The following KCNK10 variants were observed in gnomAD, a reference collection of about 807,000 sequenced individuals.
The protein encoded by KCNK10 is potassium channel subfamily K member 10.
A neutral mutation model predicts 47.7 loss-of-function variants in KCNK10; 25 were observed. The observed-to-expected ratio is 0.52, with a 90% CI of 0.38 to 0.73. The LOEUF is 0.73. Among genes scored for constraint, KCNK10 ranks in the 30% least tolerant of loss-of-function variants. KCNK10 has a pLI of 0.00. For missense variants in KCNK10, 563 were observed against 714.5 expected (o/e 0.79, Z 2.42); for synonymous variants, 303 against 285.6 (o/e 1.06, Z -0.61).
chr14:88,302,518 T>C (rs941577643), intron 1 of KCNK10, among the ~76,000 whole-genome samples: 4 of 152,180 alleles, frequency 2.6e-5, no homozygotes, highest in African/African-American at 9.7e-5. Context: ...AAGACCAGTC[T>C]GGCCAACATG....
chr14:88,235,209 C>T (rs1319944355), intron 3 of KCNK10: 2 of 456,548 alleles, frequency 4.4e-6, no homozygotes, highest in African/African-American at 2.0e-5. Flanking sequence ...CCCTGACTCA[C>T]CCTGCTCTCC....
chr14:88,223,907 G>A (rs913956474), intron 4 of KCNK10, among the ~76,000 whole-genome samples: 5 of 151,970 alleles, frequency 3.3e-5, no homozygotes, highest in East Asian at 3.9e-4. Flanking sequence ...GTGGCTGGGC[G>A]TGGTGGCTCA....
At position 88,181,073 on chromosome 14, in the gene KCNK10, G is replaced by A. The variant is rs920704694; in HGVS notation, c.*4462C>T. ...GAGATGTGGAATGCAACACTGGCTG[G>A]TTTTTCCTTTCTCGTTTTACAGGGG... On this transcript the variant is annotated 3_prime_UTR_variant, in exon 7 of 7. Coordinates refer to ENST00000319231, the MANE Select transcript of KCNK10 (RefSeq NM_138317.3). The A allele has an allele frequency of 1.6e-5, 6 of 373,320 alleles. No homozygotes were observed. The highest frequency in any genetic ancestry group is 2.8e-5 in the Non-Finnish European group (6 of 210,676). The allele number at this position is 373,320 out of a possible 1,614,324, so 23.1% of individuals were successfully genotyped here. A position where few individuals can be genotyped will look rare whatever the true frequency, so the allele number is the denominator to read the frequency against.
intron 2 of KCNK10, among the ~76,000 whole-genome samples, chr14:88,246,432 C>T (rs979130701): frequency 6.6e-6 from 1 of 152,212 alleles, no homozygotes; most frequent in African/African-American, 2.4e-5. Flanking sequence ...CTCTCCACCT[C>T]CTCACACATT....
intron 1 of KCNK10, among the ~76,000 whole-genome samples, chr14:88,299,423 G>A (rs1225653280): frequency 6.6e-6 from 1 of 152,162 alleles, no homozygotes; most frequent in Non-Finnish European, 1.5e-5. Flanking sequence ...TAAGAGTAAG[G>A]ACTGCATCAT....
intron 6 of KCNK10, 140 bp downstream of exon 6, chr14:88,187,827 G>C: frequency 1.3e-6 from 1 of 751,814 alleles, no homozygotes; most frequent in East Asian, 2.5e-5. Context: ...GATTCAACAT[G>C]AGGAAGCCTA....
chr14:88,197,572 TAAAAAAAAAAAAAAAAAAAAAAAA>T (rs71417717), intron 4 of KCNK10, among the ~76,000 whole-genome samples: 3 of 17,142 alleles, frequency 1.8e-4, no homozygotes, highest in African/African-American at 3.2e-4. Flanking sequence ...AGACTCCGAC[TAAAAAAAAAAAAAAAAAAAAAAAA>T]AAAAAAAAAA....
chr14:88,263,471 T>G lies in KCNK10; in HGVS notation c.133A>C (p.Thr45Pro). The G allele has an allele frequency of 6.2e-7, 1 of 1,613,786 alleles. No individual in the cohort carries two copies. Among genetic ancestry groups the G allele is most frequent in the Non-Finnish European group, 8.5e-7 (1 of 1,179,980 alleles). Residue 45 changes from threonine to proline, a missense_variant, in exon 2 of 7, where the codon ACT (threonine) becomes CCT (proline). Thr to Pro is a conservative substitution (Grantham distance 38). Coordinates refer to ENST00000319231, the MANE Select transcript of KCNK10 (RefSeq NM_138317.3). ...GQPPAPAPTPTPRLSISSRAT... is the reference protein window; with the variant it reads ...GQPPAPAPTPPPRLSISSRAT... ...CGGGAGGAAATGGACAGGCGCGGAG[T>G]TGGAGTCGGAGCCGGAGCCGGGGGT...
intron 4 of KCNK10, among the ~76,000 whole-genome samples, chr14:88,196,226 T>G (rs151113239): frequency 6.6e-6 from 1 of 152,236 alleles, no homozygotes; most frequent in African/African-American, 2.4e-5. Flanking sequence ...ACCCATCTCC[T>G]GTAGAGTTCA....
chr14:88,242,568 G>A (rs769035983), intron 2 of KCNK10, among the ~76,000 whole-genome samples: 1 of 152,074 alleles, frequency 6.6e-6, no homozygotes, highest in Non-Finnish European at 1.5e-5. Flanking sequence ...GACCGCAGCC[G>A]GCCACTGTTT....
At chr14:88,267,572 A>G (rs1288322) in intron 1 of KCNK10, among the ~76,000 whole-genome samples, 9,832 of 152,038 alleles carry the variant, frequency 0.065, 422 homozygotes, top group East Asian at 0.094. Flanking sequence ...GGGTTTCACC[A>G]TGCTGGCCAG....
intron 4 of KCNK10, among the ~76,000 whole-genome samples, chr14:88,214,287 G>A (rs1885550493): frequency 1.3e-5 from 2 of 152,122 alleles, no homozygotes; most frequent in Admixed American, 1.3e-4. Flanking sequence ...GCATTCTGAT[G>A]AGCCCAGAAA....
At chr14:88,301,272 AT>A (rs1888091243) in intron 1 of KCNK10, among the ~76,000 whole-genome samples, 1 of 152,010 alleles carries the variant, frequency 6.6e-6, no homozygotes, top group Admixed American at 6.5e-5. Context: ...CATTATCACC[AT>A]CATCATCATC....
upstream of KCNK10, among the ~76,000 whole-genome samples, chr14:88,324,550 C>T (rs1888623364): frequency 6.6e-6 from 1 of 152,174 alleles, no homozygotes; most frequent in Non-Finnish European, 1.5e-5. Flanking sequence ...CTTCCAAGTG[C>T]CATCACTGTG....
At chr14:88,279,755 G>A (rs571613515) in intron 1 of KCNK10, among the ~76,000 whole-genome samples, 1 of 152,234 alleles carries the variant, frequency 6.6e-6, no homozygotes, top group Admixed American at 6.5e-5. Context: ...ATTTGGCTGT[G>A]TTCCCACCCA....
rs1396661853 is a variant in KCNK10 at position 88,185,195 on chromosome 14, T to C, written c.*340A>G. 1.2e-5 allele frequency: 3 copies of C among 252,962 alleles called. No individual in the cohort carries two copies. The highest frequency in any genetic ancestry group is 6.7e-5 in the African/African-American group (3 of 44,670). 15.7% of individuals were successfully genotyped at this position (252,962 alleles called of 1,614,324 possible). ...ACACCTGTTTCTTTCAGGAGGCTGGTCTAAGGAATAGCTGCCCTTGTCTAC... is the reference window on the plus strand; with the variant it reads ...ACACCTGTTTCTTTCAGGAGGCTGGCCTAAGGAATAGCTGCCCTTGTCTAC... On this transcript the variant is annotated 3_prime_UTR_variant, in exon 7 of 7. Coordinates refer to ENST00000319231, the MANE Select transcript of KCNK10 (RefSeq NM_138317.3). The surrounding 1 kb of genome is among the most constrained non-coding windows in gnomAD (Gnocchi z 4.3).
intron 4 of KCNK10, among the ~76,000 whole-genome samples, chr14:88,208,772 C>A (rs1471889183): frequency 6.6e-6 from 1 of 152,038 alleles, no homozygotes; most frequent in Non-Finnish European, 1.5e-5. Context: ...ATTCCTGATT[C>A]TAATTGCTCA....
At chr14:88,291,711 G>A (rs971002582) in intron 1 of KCNK10, among the ~76,000 whole-genome samples, 1 of 152,196 alleles carries the variant, frequency 6.6e-6, no homozygotes, top group African/African-American at 2.4e-5. Flanking sequence ...GATGCCCTCT[G>A]GAGGTGTGCA....
At position 88,194,196 on chromosome 14, in the gene KCNK10, C is replaced by T. The variant is rs1884837575; in HGVS notation, c.682-1786G>A. 2.0e-5 allele frequency among the ~76,000 whole-genome samples: 3 copies of T among 152,256 alleles called. No homozygotes were observed. The South Asian group carries it at 6.2e-4, about 32-fold the overall frequency. ...ATATGAAAATATCGACTTTTCCACA[C>T]ATGAAAGTGTCGTAACAAGATAAAT... On this transcript the variant is annotated intron_variant, in intron 4 of 6. Transcript: ENST00000319231.
Sources: gnomAD v4.1 joint callset for allele counts (sites outside exome capture counted in the v4.1 genomes callset) on GRCh38, gnomAD v4.1.1 for gene constraint, Gnocchi (gnomAD v3.1) non-coding constraint, MANE v1.5 for transcripts, NCBI Gene and HGNC (gene_info 2026-07-23, HGNC 2026-07-21) for gene names.